Variants in ADGRB3 observed in about 807,000 individuals in gnomAD.
ADGRB3 encodes the protein adhesion G protein-coupled receptor B3.
A neutral mutation model predicts 193.4 loss-of-function variants in ADGRB3; 37 were observed. The ratio of observed to expected loss-of-function variants is 0.19; its 90% CI spans 0.15 to 0.25. ADGRB3 has a LOEUF of 0.25. Among genes scored for constraint, ADGRB3 ranks in the 10% least tolerant of loss-of-function variants. ADGRB3 has a pLI of 1.00. For synonymous variants in ADGRB3, 690 were observed against 644.2 expected (o/e 1.07, Z -1.08); for missense variants, 1,637 against 1,852.9 (o/e 0.88, Z 2.14).
intron 17 of ADGRB3, among the ~76,000 whole-genome samples, chr6:69,181,027 A>G (rs1052437677): frequency 6.6e-6 from 1 of 152,106 alleles, no homozygotes; most frequent in East Asian, 1.9e-4. Context: ...CCCTCAGCCT[A>G]CTGGGTTGCT....
chr6:68,755,742 AG>A (rs1766287842), intron 3 of ADGRB3, among the ~76,000 whole-genome samples: 1 of 152,164 alleles, frequency 6.6e-6, no homozygotes, highest in African/African-American at 2.4e-5. Context: ...TAGAGGAGCA[AG>A]AACTGAATGC....
At chr6:68,763,450 T>C (rs1181910347) in intron 3 of ADGRB3, among the ~76,000 whole-genome samples, 1 of 152,226 alleles carries the variant, frequency 6.6e-6, no homozygotes, top group Non-Finnish European at 1.5e-5. Context: ...ATTTTATTCA[T>C]TTAATGTCAC....
chr6:69,169,378 T>C (rs1775214296), intron 17 of ADGRB3, among the ~76,000 whole-genome samples: 1 of 151,846 alleles, frequency 6.6e-6, no homozygotes, highest in Non-Finnish European at 1.5e-5. Context: ...CCAATTTCTC[T>C]TACTTATTTT....
intron 13 of ADGRB3, among the ~76,000 whole-genome samples, chr6:69,022,672 G>T (rs944373048): frequency 6.6e-6 from 1 of 151,832 alleles, no homozygotes; most frequent in Non-Finnish European, 1.5e-5. Flanking sequence ...ATTAACTACA[G>T]TGTAAAATAT....
At chr6:69,321,958 G>A (rs1721115426) in intron 20 of ADGRB3, among the ~76,000 whole-genome samples, 1 of 151,790 alleles carries the variant, frequency 6.6e-6, no homozygotes, top group Admixed American at 6.6e-5. Flanking sequence ...TTATCACTTA[G>A]GTATTAAGCC....
chr6:68,969,976 C>T (rs532356388), intron 8 of ADGRB3, among the ~76,000 whole-genome samples: 1 of 152,340 alleles, frequency 6.6e-6, no homozygotes, highest in East Asian at 1.9e-4. Flanking sequence ...GACCATTACT[C>T]TATACTTGGT....
intron 3 of ADGRB3, among the ~76,000 whole-genome samples, chr6:68,785,015 T>C (rs1480276447): frequency 6.6e-6 from 1 of 152,114 alleles, no homozygotes; most frequent in Non-Finnish European, 1.5e-5. Flanking sequence ...TAATTATGGA[T>C]AATAACCATA....
rs1562038289 is a variant in ADGRB3 at position 68,808,465 on chromosome 6, A to G, written c.758-122094A>G. 3.3e-5 allele frequency among the ~76,000 whole-genome samples: 5 copies of G among 150,104 alleles called. No individual in the cohort carries two copies. The South Asian group carries it at 6.4e-4, about 19-fold the overall frequency. ...TGCTACCTCTAACTATACATTTACT[A>G]TGTTTCAGTTATTTTCAAATCTAAT... is the stretch of plus-strand genomic sequence containing the variant. On this transcript the variant is annotated intron_variant, in intron 3 of 31. Coordinates refer to ENST00000370598, the MANE Select transcript of ADGRB3 (RefSeq NM_001704.3).
chr6:68,967,496 C>A (rs902570543), intron 8 of ADGRB3, among the ~76,000 whole-genome samples: 2 of 151,956 alleles, frequency 1.3e-5, no homozygotes, highest in Non-Finnish European at 2.9e-5. Flanking sequence ...TTACATGATA[C>A]CCTGGAAACA....
At chr6:68,851,283 G>A (rs1768395294) in intron 3 of ADGRB3, among the ~76,000 whole-genome samples, 1 of 151,666 alleles carries the variant, frequency 6.6e-6, no homozygotes, top group South Asian at 2.1e-4. Context: ...CTCTCTAGCT[G>A]TCTTTCTCTC....
At chr6:68,911,862 A>T (rs1766722117) in intron 3 of ADGRB3, among the ~76,000 whole-genome samples, 2 of 142,260 alleles carry the variant, frequency 1.4e-5, no homozygotes, top group African/African-American at 2.6e-5. Context: ...GTCAAACATC[A>T]TTTGGTAGTT....
At chr6:69,304,436 T>TGCCTACTA (rs1220587859) in intron 20 of ADGRB3, among the ~76,000 whole-genome samples, 1 of 151,654 alleles carries the variant, frequency 6.6e-6, no homozygotes, top group African/African-American at 2.4e-5. Flanking sequence ...TCTCAAAGTC[T>TGCCTACTA]GCCTACTAGT....
chr6:68,981,306 CAT>C (rs1183724593), intron 10 of ADGRB3, among the ~76,000 whole-genome samples: 2 of 151,594 alleles, frequency 1.3e-5, no homozygotes, highest in Admixed American at 6.6e-5. Flanking sequence ...GAGTTTTTAA[CAT>C]GTGGTCTTGA....
intron 3 of ADGRB3, among the ~76,000 whole-genome samples, chr6:68,676,117 G>T (rs1217285054): frequency 3.3e-5 from 5 of 152,092 alleles, no homozygotes; most frequent in Non-Finnish European, 5.9e-5. Context: ...ATGAGGCCTG[G>T]CGTGGTGGCT....
intron 3 of ADGRB3, among the ~76,000 whole-genome samples, chr6:68,885,717 G>T (rs959431999): frequency 1.6e-4 from 25 of 152,142 alleles, no homozygotes; most frequent in African/African-American, 6.0e-4. Flanking sequence ...CAAAATTTCA[G>T]TTAGCCTTCA....
chr6:68,971,097 C>A (rs1335370584), intron 8 of ADGRB3, among the ~76,000 whole-genome samples: 1 of 152,152 alleles, frequency 6.6e-6, no homozygotes, highest in East Asian at 1.9e-4. Context: ...GATACCTGAA[C>A]CAAAGAAACA....
intron 17 of ADGRB3, among the ~76,000 whole-genome samples, chr6:69,180,963 A>G (rs940967776): frequency 2.0e-5 from 3 of 152,084 alleles, no homozygotes; most frequent in African/African-American, 7.2e-5. Context: ...CTCACAGAGT[A>G]CCCAAGCCTC....
Position 69,122,999 on chromosome 6 carries a change from A to AGTGT in ADGRB3, c.2480+46982_2480+46985dup, listed in dbSNP as rs70987452. On this transcript the variant is annotated intron_variant, in intron 17 of 31. Transcript: ENST00000370598. ...GTATATATATATACACATACGTGTG[A>AGTGT]GTGTGTGTGTGTGTGTGTGTGTGTA... Among the ~76,000 whole-genome samples the AGTGT allele has an allele frequency of 3.3e-3, 488 of 149,430 alleles. 4 individuals are homozygous for AGTGT. Among genetic ancestry groups the AGTGT allele is most frequent in the African/African-American group, 9.5e-3 (384 of 40,536 alleles).
intron 30 of ADGRB3, among the ~76,000 whole-genome samples, chr6:69,382,328 A>G (rs1357209441): frequency 6.6e-6 from 1 of 151,876 alleles, no homozygotes; most frequent in Non-Finnish European, 1.5e-5. Flanking sequence ...TATTTCAGAC[A>G]CTTTAATGCT....
Sources: allele counts gnomAD v4.1 joint callset (sites outside exome capture counted in the v4.1 genomes callset), GRCh38; gene constraint gnomAD v4.1.1; transcripts MANE v1.5; gene names NCBI Gene and HGNC (gene_info 2026-07-23, HGNC 2026-07-21).